Variants in DOT1L observed in about 807,000 individuals in gnomAD.
DOT1L encodes histone-lysine N-methyltransferase, H3 lysine-79 specific.
Under a neutral mutation model 153.3 loss-of-function variants are expected in DOT1L, and 33 were observed. The observed-to-expected ratio is 0.22, with a 90% CI of 0.16 to 0.29. DOT1L has a LOEUF of 0.29. DOT1L is among the 10% of genes least tolerant of loss of function. The pLI, the probability that DOT1L is intolerant of heterozygous loss-of-function variation, is 1.00. For missense variants in DOT1L, 1,847 were observed against 2,119.9 expected, an observed-to-expected ratio of 0.87 and a Z score of 2.53; for synonymous variants, 1,135 against 965.1, an observed-to-expected ratio of 1.18 and a Z score of -3.26.
At chr19:2,194,957 C>T (rs192171883) in intron 7 of DOT1L, among the ~76,000 whole-genome samples, 5 of 152,274 alleles carry the variant, frequency 3.3e-5, no homozygotes, top group African/African-American at 1.2e-4. Context: ...GGACGGGTTC[C>T]TGGTCCTCAG....
At position 2,199,943 on chromosome 19, in the gene DOT1L, T is replaced by C; in HGVS notation, c.707+4T>C. ...GGGAGCGAATCGCCAACACGAGGTATGGCCAGCGTGGGGCATGCAGGGCAT... is the reference window on the plus strand; with the variant it reads ...GGGAGCGAATCGCCAACACGAGGTACGGCCAGCGTGGGGCATGCAGGGCAT... On this transcript the variant is annotated splice_donor_region_variant and intron_variant, in intron 8 of 27. Coordinates refer to ENST00000398665, the MANE Select transcript of DOT1L (RefSeq NM_032482.3). 6.2e-7 allele frequency: 1 copy of C among 1,613,738 alleles called. No homozygotes were observed. The highest frequency in any genetic ancestry group is 8.5e-7 in the Non-Finnish European group (1 of 1,179,780).
intron 2 of DOT1L, among the ~76,000 whole-genome samples, chr19:2,182,818 G>T (rs1002585695): frequency 1.1e-4 from 16 of 152,314 alleles, no homozygotes; most frequent in Admixed American, 8.5e-4. Flanking sequence ...CTCTCTGGCT[G>T]CATGCTCGCC....
At chr19:2,180,667 G>T (rs762975439) in intron 1 of DOT1L, 46 bp from the exon 2 acceptor site, 2 of 1,611,116 alleles carry the variant, frequency 1.2e-6, no homozygotes, top group Non-Finnish European at 8.5e-7. Flanking sequence ...ATGGGCTCAC[G>T]GGGTGGAGGA....
At chr19:2,206,604 T>C (rs1378186996) in intron 9 of DOT1L, 125 bp from the exon 10 acceptor site, 1 of 838,222 alleles carries the variant, frequency 1.2e-6, no homozygotes, top group Admixed American at 1.9e-5. Flanking sequence ...TGTAGGCAGG[T>C]GGACAGGACC....
rs1474187266 is a variant in DOT1L, at chr19:2,164,227, G to A, written c.43G>A (p.Ala15Thr). ...LELRLKSPVG[A>T]EPAVYPWPLP... The stretch of plus-strand genomic sequence containing the variant: ...GCTGAGACTGAAGTCGCCCGTGGGG[G>A]CTGAGCCCGCCGTCTACCCGTGGCC... Residue 15 changes from alanine to threonine, a missense_variant, in exon 1 of 28, where the codon GCT (alanine) becomes ACT (threonine). By Grantham distance (58) the Ala-to-Thr change is moderately conservative. Coordinates refer to ENST00000398665, the MANE Select transcript of DOT1L (RefSeq NM_032482.3). 1.6e-6 allele frequency: 2 copies of A among 1,289,654 alleles called. No individual in the cohort carries two copies. Among genetic ancestry groups the A allele is most frequent in the South Asian group, 3.3e-5 (1 of 30,544 alleles). The allele number at this position is 1,289,654 out of a possible 1,614,324, so 79.9% of individuals were successfully genotyped here.
intron 1 of DOT1L, among the ~76,000 whole-genome samples, chr19:2,175,005 T>TA (rs1491495059): frequency 0.03 from 1,603 of 53,092 alleles, 12 homozygotes; most frequent in Middle Eastern, 0.045. Flanking sequence ...TATATATATA[T>TA]TTTTTTTTTT....
Position 2,191,556 on chromosome 19 carries a change from G to A in DOT1L, c.493+316G>A, listed in dbSNP as rs111685802. ...TAGACCTGTGCACCCTCTACTGCTC[G>A]CTCCCAGAAGCTGCCACTCGCTAGC... On this transcript the variant is annotated intron_variant, in intron 5 of 27. Transcript: ENST00000398665. The surrounding 1 kb of genome is among the most constrained non-coding windows in gnomAD (Gnocchi z 6.8). 0.026 allele frequency among the ~76,000 whole-genome samples: 3,946 copies of A among 152,070 alleles called. 165 individuals carry two copies. Among genetic ancestry groups the A allele is most frequent in the African/African-American group, 0.09 (3,717 of 41,494 alleles).
intron 1 of DOT1L, among the ~76,000 whole-genome samples, chr19:2,165,623 C>T (rs1456827047): frequency 6.6e-6 from 1 of 152,250 alleles, no homozygotes; most frequent in Non-Finnish European, 1.5e-5. Flanking sequence ...AACTCCAGAA[C>T]CCTTCCAGCC....
intron 27 of DOT1L, chr19:2,229,518 T>TG: frequency 1.1e-5 from 11 of 985,304 alleles, no homozygotes; most frequent in Non-Finnish European, 1.3e-5. Flanking sequence ...GCAGGTAGGG[T>TG]GGCTTTAGCT....
chr19:2,183,876 C>T (rs2022360503), intron 2 of DOT1L, among the ~76,000 whole-genome samples: 2 of 152,298 alleles, frequency 1.3e-5, no homozygotes, highest in African/African-American at 2.4e-5. Flanking sequence ...CCGCCTGCCT[C>T]GGCCTCCCAA....
rs2024183521 is a variant in DOT1L, at chr19:2,222,956, G to A, written c.3391-325G>A. Reference sequence around the variant, plus strand: ...GCCCGGCCATCCTCCACCACGTGCGGCCTGGCAGCCTGGGAAGAGGCGGCC... The same window carrying A: ...GCCCGGCCATCCTCCACCACGTGCGACCTGGCAGCCTGGGAAGAGGCGGCC... On this transcript the variant is annotated intron_variant, in intron 24 of 27. Coordinates refer to ENST00000398665, the MANE Select transcript of DOT1L (RefSeq NM_032482.3). This position sits in a 1 kb window ranked among gnomAD's most constrained non-coding sequence, Gnocchi z 6.5. 2.2e-6 allele frequency: 1 copy of A among 447,332 alleles called. No individual in the cohort carries two copies. The highest frequency in any genetic ancestry group is 4.0e-6 in the Non-Finnish European group (1 of 251,698). The allele number at this position is 447,332 out of a possible 1,614,324, so 27.7% of individuals were successfully genotyped here. A position where few individuals can be genotyped will look rare whatever the true frequency, so the allele number is the denominator to read the frequency against.
intron 3 of DOT1L, among the ~76,000 whole-genome samples, chr19:2,189,199 C>T (rs991800828): frequency 6.6e-6 from 1 of 152,244 alleles, no homozygotes; most frequent in East Asian, 1.9e-4. Flanking sequence ...GAAGGACACG[C>T]TCACAGAGCA....
At chr19:2,177,056 C>T (rs1439628118) in intron 1 of DOT1L, among the ~76,000 whole-genome samples, 1 of 152,206 alleles carries the variant, frequency 6.6e-6, no homozygotes, top group Non-Finnish European at 1.5e-5. Flanking sequence ...TGCGTAGAAC[C>T]CAGTGCTTCC....
intron 1 of DOT1L, among the ~76,000 whole-genome samples, chr19:2,167,377 G>A (rs1205638032): frequency 1.3e-5 from 2 of 152,234 alleles, no homozygotes; most frequent in Non-Finnish European, 2.9e-5. Context: ...ACATTCACGT[G>A]AAGGCAGCCC....
chr19:2,211,667 G>T (rs2023719888), intron 15 of DOT1L, 84 bp from the exon 16 acceptor site: 7 of 1,227,668 alleles, frequency 5.7e-6, no homozygotes, highest in Non-Finnish European at 8.0e-6. Flanking sequence ...CGAGGCCTGG[G>T]ACTCGTTCTC....
intron 2 of DOT1L, 69 bp downstream of exon 2, chr19:2,180,825 C>T: frequency 6.3e-7 from 1 of 1,582,456 alleles, no homozygotes; most frequent in South Asian, 1.1e-5. Flanking sequence ...CCGTGCCCTG[C>T]AGATTCTGTT....
chr19:2,186,072 A>ACTC, intron 3 of DOT1L, 143 bp downstream of exon 3: 2 of 786,356 alleles, frequency 2.5e-6, no homozygotes, highest in Non-Finnish European at 4.2e-6. Flanking sequence ...CGTGGCCACC[A>ACTC]TAAAGTTATT....
At position 2,207,899 on chromosome 19, in the gene DOT1L, G is replaced by A. The variant is rs1350615734; in HGVS notation, c.963+219G>A. On this transcript the variant is annotated intron_variant, in intron 11 of 27. Transcript: ENST00000398665. This position sits in a 1 kb window ranked among gnomAD's most constrained non-coding sequence, Gnocchi z 4.5. Reference sequence around the variant, plus strand: ...CCTCCCAGGCACTGGGCGTGTCCTGGGTGAGGGCTGAGTGCTGTCTCCCCT... The same window carrying A: ...CCTCCCAGGCACTGGGCGTGTCCTGAGTGAGGGCTGAGTGCTGTCTCCCCT... 1.3e-5 allele frequency among the ~76,000 whole-genome samples: 2 copies of A among 152,040 alleles called. No homozygotes were observed. Among genetic ancestry groups the A allele is most frequent in the African/African-American group, 2.4e-5 (1 of 41,410 alleles).
At chr19:2,229,188 C>T (rs1599633426) in intron 27 of DOT1L, 7 of 985,454 alleles carry the variant, frequency 7.1e-6, no homozygotes, top group Non-Finnish European at 8.4e-6. Context: ...CAGGGAATGT[C>T]CTGTTCACTC....
Sources: allele counts gnomAD v4.1 joint callset (sites outside exome capture counted in the v4.1 genomes callset), GRCh38; gene constraint gnomAD v4.1.1; non-coding constraint Gnocchi (gnomAD v3.1); transcripts MANE v1.5; gene names NCBI Gene and HGNC (gene_info 2026-07-23, HGNC 2026-07-21).